The following ZP3 variants were observed in gnomAD, a reference collection of about 807,000 sequenced individuals.
ZP3 encodes the protein zona pellucida glycoprotein 3.
Under a neutral mutation model 35.6 loss-of-function variants are expected in ZP3, and 21 were observed. The ratio of observed to expected loss-of-function variants is 0.59; its 90% CI spans 0.42 to 0.85. ZP3 has a LOEUF of 0.85. ZP3 is among the 40% of genes least tolerant of loss of function. The probability of loss-of-function intolerance (pLI) is 0.00; values close to 1 mark genes in which losing one functional copy is unlikely to be tolerated. For synonymous variants in ZP3, 207 were observed against 214.5 expected (o/e 0.96, Z 0.31); for missense variants, 437 against 536.5 (o/e 0.81, Z 1.83).
rs1366263340 is a variant in ZP3, at chr7:76,440,553, G to A, written c.1002G>A (p.Arg334=). 1.9e-6 allele frequency: 3 copies of A among 1,614,186 alleles called. No homozygotes were observed. Among genetic ancestry groups the A allele is most frequent in the Non-Finnish European group, 2.5e-6 (3 of 1,180,036 alleles). The part of the protein sequence containing the change: ...KGDCGTPSHS[R]RQPHVMSQWS... ...ACTGTGGCACTCCAAGCCATTCCAG[G>A]AGGCAGCCTCATGTCATGAGCCAGT... Residue 334 remains arginine, a synonymous_variant, in exon 7 of 8, where the codon AGG becomes AGA. Coordinates refer to ENST00000394857, the MANE Select transcript of ZP3 (RefSeq NM_001110354.2).
chr7:76,398,911 G>T, intron 1 of ZP3: 1 of 1,040,964 alleles, frequency 9.6e-7, no homozygotes, highest in Non-Finnish European at 1.4e-6. Context: ...AGAGCCTCTG[G>T]CCACACAAAG....
intron 5 of ZP3, among the ~76,000 whole-genome samples, chr7:76,436,248 T>C (rs1179557561): frequency 6.6e-6 from 1 of 152,026 alleles, no homozygotes; most frequent in Non-Finnish European, 1.5e-5. Flanking sequence ...GGTTTCACCA[T>C]ATTGGCCAGG....
intron 5 of ZP3, among the ~76,000 whole-genome samples, chr7:76,436,166 C>T (rs1224384472): frequency 6.8e-6 from 1 of 147,100 alleles, no homozygotes; most frequent in Non-Finnish European, 1.5e-5. Context: ...ATTCTCCTGC[C>T]TTAGCCTCCC....
At chr7:76,435,529 T>TTAAAG (rs1395774927) in intron 5 of ZP3, among the ~76,000 whole-genome samples, 2 of 152,204 alleles carry the variant, frequency 1.3e-5, no homozygotes, top group Non-Finnish European at 2.9e-5. Context: ...TAGGAAGTGA[T>TTAAAG]TAAAGTAGGG....
chr7:76,419,822 A>C (rs1805464467), intron 1 of ZP3, among the ~76,000 whole-genome samples: 1 of 122,206 alleles, frequency 8.2e-6, no homozygotes, highest in Non-Finnish European at 1.6e-5. Flanking sequence ...TTTTTGAGAC[A>C]GACTCTCACT....
chr7:76,439,131 CAA>C (rs775953355), intron 5 of ZP3, among the ~76,000 whole-genome samples: 14 of 75,424 alleles, frequency 1.9e-4, no homozygotes, highest in East Asian at 1.5e-3. Context: ...GACTCCACCT[CAA>C]AAAAAAAAAA....
upstream of ZP3, among the ~76,000 whole-genome samples, chr7:76,424,209 T>C (rs953261024): frequency 6.6e-6 from 1 of 152,196 alleles, no homozygotes; most frequent in Admixed American, 6.5e-5. Flanking sequence ...GGCTGCGAGC[T>C]TCCTAAGGGC....
At chr7:76,413,815 C>G (rs987908978) in intron 1 of ZP3, among the ~76,000 whole-genome samples, 1 of 150,560 alleles carries the variant, frequency 6.6e-6, no homozygotes, top group South Asian at 2.1e-4. Context: ...TACAGGCGTG[C>G]GCCACCATGC....
At chr7:76,437,178 T>TC (rs1563704028) in intron 5 of ZP3, among the ~76,000 whole-genome samples, 1 of 118,364 alleles carries the variant, frequency 8.4e-6, no homozygotes, top group African/African-American at 4.1e-5. Context: ...GTACTTTTTT[T>TC]TTTTTTTTTT....
At chr7:76,397,538 T>G (rs756213308) in exon 1 of ZP3, 88 of 1,582,084 alleles carry the variant, frequency 5.6e-5, no homozygotes, top group Non-Finnish European at 7.6e-5. Flanking sequence ...CGCGCCCGCG[T>G]CCTCGTGGTG....
At chr7:76,433,157 G>GGTTTTGGTTC in intron 3 of ZP3, 127 bp downstream of exon 3, 1 of 771,472 alleles carries the variant, frequency 1.3e-6, no homozygotes, top group Middle Eastern at 3.1e-4. Context: ...GGTTTTGGTT[G>GGTTTTGGTTC]GTTTTGGTTG....
chr7:76,427,252 C>G (rs1459174810), intron 1 of ZP3, among the ~76,000 whole-genome samples: 1 of 151,582 alleles, frequency 6.6e-6, no homozygotes, highest in African/African-American at 2.4e-5. Context: ...CGCAGTGGCT[C>G]ACGCCTGTAA....
At chr7:76,421,330 C>T (rs1343686891), upstream of ZP3, among the ~76,000 whole-genome samples, 1 of 151,958 alleles carries the variant, frequency 6.6e-6, no homozygotes, top group African/African-American at 2.4e-5. Context: ...CTCCCAGGCT[C>T]AAGCAACCCA....
intron 5 of ZP3, among the ~76,000 whole-genome samples, chr7:76,436,042 T>TCCC (rs1805995121): frequency 4.6e-4 from 13 of 28,122 alleles, no homozygotes; most frequent in South Asian, 1.8e-3. Context: ...TTTTTTTTTT[T>TCCC]TTTTTTTTTT....
intron 1 of ZP3, among the ~76,000 whole-genome samples, chr7:76,414,626 C>T (rs1403283113): frequency 2.0e-5 from 3 of 149,278 alleles, no homozygotes; most frequent in Non-Finnish European, 4.4e-5. Context: ...TAGGAAAAGA[C>T]CTTCTCATGC....
chr7:76,420,631 T>G (rs980306345), upstream of ZP3, among the ~76,000 whole-genome samples: 2 of 152,204 alleles, frequency 1.3e-5, no homozygotes, highest in African/African-American at 2.4e-5. Context: ...ATATTTTGTT[T>G]TAGCAATTGC....
chr7:76,407,135 A>G (rs910054979), intron 1 of ZP3, among the ~76,000 whole-genome samples: 1 of 151,956 alleles, frequency 6.6e-6, no homozygotes, highest in East Asian at 1.9e-4. Context: ...TAATTTTTGT[A>G]TGTTCAGTAG....
chr7:76,440,664 G>C lies in ZP3; in HGVS notation c.1060+53G>C, dbSNP rs566575181. 7.6e-4 allele frequency: 1,184 copies of C among 1,557,366 alleles called. 1 individual carries two copies. The African/African-American group carries it at 0.014, about 19-fold the overall frequency. ...TTCATTGTCCCTTACTCAGTTGAGG[G>C]TACCTGCTGTCATTTCAGGGTGATG... On this transcript the variant is annotated intron_variant, in intron 7 of 7. Transcript: ENST00000394857.
At chr7:76,423,025 G>GAGAGAGAGAGAGAGAGAGAAAGAAAGAA (rs1278384225), upstream of ZP3, among the ~76,000 whole-genome samples, 1 of 75,802 alleles carries the variant, frequency 1.3e-5, no homozygotes, top group African/African-American at 4.9e-5. Context: ...GAGAGAGAGA[G>GAGAGAGAGAGAGAGAGAGAAAGAAAGAA]AGAAAGAAAG....
Sources: allele counts gnomAD v4.1 joint callset (sites outside exome capture counted in the v4.1 genomes callset), GRCh38; gene constraint gnomAD v4.1.1; transcripts MANE v1.5; gene names NCBI Gene and HGNC (gene_info 2026-07-23, HGNC 2026-07-21).